Variants in PLXNA4 observed in about 807,000 individuals in gnomAD.
PLXNA4 encodes plexin-A4.
In PLXNA4, 44 loss-of-function variants were observed where a neutral mutation model predicts 191.8. The ratio of observed to expected loss-of-function variants is 0.23; its 90% CI spans 0.18 to 0.29. PLXNA4 has a LOEUF of 0.29. Among genes scored for constraint, PLXNA4 ranks in the 10% least tolerant of loss-of-function variants. The pLI is 1.00. For synonymous variants in PLXNA4, 1,082 were observed against 1,009.5 expected (o/e 1.07, Z -1.36); for missense variants, 1,800 against 2,488.8 (o/e 0.72, Z 5.89).
chr7:132,405,974 C>T (rs1399686877), intron 3 of PLXNA4, among the ~76,000 whole-genome samples: 3 of 152,152 alleles, frequency 2.0e-5, no homozygotes, highest in East Asian at 1.9e-4. Context: ...TAAAGCCATA[C>T]GATGAGTTTG....
At chr7:132,640,634 A>T (rs1177192423) in intron 2 of PLXNA4, among the ~76,000 whole-genome samples, 1 of 152,234 alleles carries the variant, frequency 6.6e-6, no homozygotes, top group Non-Finnish European at 1.5e-5. Context: ...TATGGTTTCC[A>T]AAAGTATGAG....
intron 3 of PLXNA4, among the ~76,000 whole-genome samples, chr7:132,382,296 A>G (rs1804928820): frequency 6.6e-6 from 1 of 152,044 alleles, no homozygotes; most frequent in South Asian, 2.1e-4. Flanking sequence ...TGAGCCCTTC[A>G]TGGTTGTTTG....
chr7:132,310,567 C>A (rs1454795789), intron 3 of PLXNA4, among the ~76,000 whole-genome samples: 1 of 152,222 alleles, frequency 6.6e-6, no homozygotes, highest in Non-Finnish European at 1.5e-5. Flanking sequence ...CACCAAACCT[C>A]TTTCTAGCAC....
At chr7:132,401,757 A>T (rs1304830154) in intron 3 of PLXNA4, among the ~76,000 whole-genome samples, 1 of 152,162 alleles carries the variant, frequency 6.6e-6, no homozygotes, top group African/African-American at 2.4e-5. Flanking sequence ...AAGATGGATA[A>T]AACTTTTCAT....
chr7:132,384,996 CA>C, intron 3 of PLXNA4: 1 of 1,391,276 alleles, frequency 7.2e-7, no homozygotes, highest in Non-Finnish European at 9.3e-7. Flanking sequence ...GAAAAGAGAC[CA>C]ACTACCTAGC....
chr7:132,560,983 C>T (rs188460242), intron 1 of PLXNA4, among the ~76,000 whole-genome samples: 4 of 152,200 alleles, frequency 2.6e-5, no homozygotes, highest in South Asian at 4.1e-4. Context: ...CCCGCTGAAC[C>T]TTGCTACAGT....
At chr7:132,338,649 C>A (rs1802909494) in intron 3 of PLXNA4, among the ~76,000 whole-genome samples, 1 of 152,170 alleles carries the variant, frequency 6.6e-6, no homozygotes, top group African/African-American at 2.4e-5. Flanking sequence ...CCTGGAATGT[C>A]TTGTAGAAGA....
In PLXNA4 at chr7:132,168,555, C is replaced by T. The variant is rs1489374264; in HGVS notation, c.4035G>A (p.Gln1345=). Residue 1345 remains glutamine (Q), a synonymous_variant, in exon 22 of 32, where the codon CAG becomes CAA. Coordinates refer to ENST00000321063, the MANE Select transcript of PLXNA4 (RefSeq NM_020911.2). ...LRDLEVPGYR[Q]ERVEKGLKLF... ...GCTTCAGGCCTTTCTCCACACGCTC[C>T]TGCCGGTAGCCCGGGACCTGCAGAG... The T allele has an allele frequency of 1.3e-6, 2 of 1,589,820 alleles. No homozygotes were observed. The highest frequency in any genetic ancestry group is 1.7e-6 in the Non-Finnish European group (2 of 1,166,428).
intron 5 of PLXNA4, among the ~76,000 whole-genome samples, chr7:132,235,192 C>T (rs895870340): frequency 2.0e-5 from 3 of 152,186 alleles, no homozygotes; most frequent in Admixed American, 6.5e-5. Context: ...GATCCAACTC[C>T]AGCCTCTGCT....
chr7:132,409,618 T>C (rs192756032), intron 3 of PLXNA4, among the ~76,000 whole-genome samples: 3 of 152,338 alleles, frequency 2.0e-5, no homozygotes, highest in East Asian at 1.9e-4. Flanking sequence ...TTTTTCACTC[T>C]TTCAAGGTGG....
At chr7:132,146,079 CAAAAAA>C (rs67412588) in intron 28 of PLXNA4, among the ~76,000 whole-genome samples, 1 of 48,920 alleles carries the variant, frequency 2.0e-5, no homozygotes, top group African/African-American at 9.0e-5. Flanking sequence ...GACTCTGTCT[CAAAAAA>C]AAAAAAAAAA....
intron 2 of PLXNA4, among the ~76,000 whole-genome samples, chr7:132,620,288 G>A (rs896865131): frequency 1.4e-4 from 21 of 150,266 alleles, no homozygotes; most frequent in African/African-American, 5.3e-4. Flanking sequence ...TTTCTGAGAA[G>A]GTTCTTGTTG....
At chr7:132,228,558 C>T in intron 5 of PLXNA4, 89 bp from the exon 6 acceptor site, 1 of 1,541,948 alleles carries the variant, frequency 6.5e-7, no homozygotes, top group Non-Finnish European at 8.8e-7. Context: ...TCCAGCAGCT[C>T]CCAGGATGTG....
At position 132,132,380 on chromosome 7, in the gene PLXNA4, TTGTTCTGTTCTGTTCTGTTC is replaced by T. The variant is rs1156315109; in HGVS notation, c.5589+649_5589+668del. On this transcript the variant is annotated intron_variant, in intron 31 of 31. Coordinates refer to ENST00000321063, the MANE Select transcript of PLXNA4 (RefSeq NM_020911.2). ...GAACAAAACAGAAAACACATTCTAT[TTGTTCTGTTCTGTTCTGTTC>T]TGTTCTGTTCTGTTCTGTTCTGTTC... Among the ~76,000 whole-genome samples the T allele has an allele frequency of 8.0e-3, 1,027 of 128,834 alleles. 23 individuals carry two copies. Among genetic ancestry groups the T allele is most frequent in the Non-Finnish European group, 0.011 (697 of 61,704 alleles). The allele number at this position is 128,834 out of a possible 152,430, so 84.5% of individuals were successfully genotyped here. A position where few individuals can be genotyped will look rare whatever the true frequency, so the allele number is the denominator to read the frequency against.
At chr7:132,396,703 G>A (rs1264271345) in intron 3 of PLXNA4, among the ~76,000 whole-genome samples, 3 of 152,198 alleles carry the variant, frequency 2.0e-5, no homozygotes, top group African/African-American at 7.2e-5. Context: ...ATGAGATGAG[G>A]CTGGTTTCAA....
Position 132,177,102 on chromosome 7 carries a change from T to C in PLXNA4, c.3875-2182A>G, listed in dbSNP as rs560747524. 2.0e-5 allele frequency among the ~76,000 whole-genome samples: 3 copies of C among 151,220 alleles called. No homozygotes were observed. In the East Asian group the frequency reaches 5.9e-4, roughly 29 times the overall value. On this transcript the variant is annotated intron_variant, in intron 20 of 31. Coordinates refer to ENST00000321063, the MANE Select transcript of PLXNA4 (RefSeq NM_020911.2). Reference sequence around the variant, plus strand: ...GAGCACATGAGTGTATGTCAGTGAGTGTATGTATGTGAAAGCATGAGTGTG... The same window carrying C: ...GAGCACATGAGTGTATGTCAGTGAGCGTATGTATGTGAAAGCATGAGTGTG...
At chr7:132,292,465 G>A (rs1389570249) in intron 4 of PLXNA4, among the ~76,000 whole-genome samples, 2 of 152,158 alleles carry the variant, frequency 1.3e-5, no homozygotes, top group African/African-American at 4.8e-5. Context: ...AAGTTATCTG[G>A]TTCTTAATAA....
At position 132,211,102 on chromosome 7, in the gene PLXNA4, G is replaced by C; in HGVS notation, c.2139C>G (p.Pro713=). Residue 713 remains proline (P), a synonymous_variant, in exon 10 of 32, where the codon CCC becomes CCG. Coordinates refer to ENST00000321063, the MANE Select transcript of PLXNA4 (RefSeq NM_020911.2). ...QLLRVDKILV[P]VEVIKPITLK... Reference sequence around the variant, plus strand: ...GCGTGATAGGCTTGATCACCTCCACGGGCACCAGGATCTTGTCCACTCGCA... The same window carrying C: ...GCGTGATAGGCTTGATCACCTCCACCGGCACCAGGATCTTGTCCACTCGCA... The C allele has an allele frequency of 6.3e-7, 1 of 1,580,360 alleles. No individual in the cohort carries two copies. Among genetic ancestry groups the C allele is most frequent in the Non-Finnish European group, 8.6e-7 (1 of 1,162,784 alleles).
intron 3 of PLXNA4, among the ~76,000 whole-genome samples, chr7:132,397,711 C>G (rs1793822049): frequency 6.6e-6 from 1 of 152,224 alleles, no homozygotes; most frequent in Non-Finnish European, 1.5e-5. Flanking sequence ...TTGACCTATG[C>G]TGGGGGCCTT....
Sources: gnomAD v4.1 joint callset for allele counts (sites outside exome capture counted in the v4.1 genomes callset) on GRCh38, gnomAD v4.1.1 for gene constraint, MANE v1.5 for transcripts, NCBI Gene and HGNC (gene_info 2026-07-23, HGNC 2026-07-21) for gene names.